Variants in KCNG4 observed in about 807,000 individuals in gnomAD.
KCNG4 encodes the protein potassium voltage-gated channel modifier subfamily G member 4, also known as voltage-gated potassium channel regulatory subunit KCNG4.
KCNG4 carries 30 observed loss-of-function variants against 28.2 expected under a neutral mutation model. That is an observed-to-expected ratio of 1.06 (90% CI 0.80 to 1.44). The LOEUF is 1.44. Among genes scored for constraint, KCNG4 ranks in the 40% most tolerant of loss-of-function variants. KCNG4 has a pLI of 0.00. For synonymous variants in KCNG4, 375 were observed against 315.5 expected (o/e 1.19, Z -2.00); for missense variants, 879 against 712.3 (o/e 1.23, Z -2.66).
chr16:84,229,578 C>T (rs186480909), intron 2 of KCNG4, among the ~76,000 whole-genome samples: 93 of 152,366 alleles, frequency 6.1e-4, no homozygotes, highest in Non-Finnish European at 1.1e-3. Context: ...CAGCAGTCAC[C>T]GAAGGAGAGA....
rs752650868 is a variant in KCNG4, at chr16:84,222,292, G to C, written c.1485C>G (p.Ala495=). Residue 495 remains alanine (A), a synonymous_variant, in exon 3 of 3, where the codon GCC becomes GCG. Transcript: ENST00000308251. The part of the protein sequence containing the change: ...SECELLDPHV[A]SEHELMNDVN... ...CATCGTTCATGAGCTCATGTTCACTGGCCACATGGGGGTCCAGGAGTTCAC... is the reference window on the plus strand; with the variant it reads ...CATCGTTCATGAGCTCATGTTCACTCGCCACATGGGGGTCCAGGAGTTCAC... 2 of 1,614,086 alleles carry C rather than the reference G, an allele frequency of 1.2e-6. No individual in the cohort carries two copies. Among genetic ancestry groups the C allele is most frequent in the African/African-American group, 2.7e-5 (2 of 74,940 alleles).
At position 84,222,921 on chromosome 16, in the gene KCNG4, C is replaced by T; in HGVS notation, c.856G>A (p.Asp286Asn). The change falls in exon 3 of 3, where the codon GAC becomes AAC. Residue 286 changes from aspartate (D) to asparagine (N), a missense_variant. Asp to Asn is a conservative substitution (Grantham distance 23). Coordinates refer to ENST00000308251, the MANE Select transcript of KCNG4 (RefSeq NM_172347.3). ...GGCCCCTGGAAGAACTGACACTTGT[C>T]TTGGGCCTGGACAAACCGCAGGCAG... The part of the protein sequence containing the change: ...EFCLRFVQAQ[D>N]KCQFFQGPLN... 1 of 1,610,186 alleles carries T rather than the reference C, an allele frequency of 6.2e-7. No individual in the cohort carries two copies. The highest frequency in any genetic ancestry group is 8.5e-7 in the Non-Finnish European group (1 of 1,177,516).
At chr16:84,236,529 C>G in intron 2 of KCNG4, 2 of 735,988 alleles carry the variant, frequency 2.7e-6, no homozygotes, top group Non-Finnish European at 4.2e-6. Context: ...TTTGCCTTTG[C>G]AGGACTCCAA....
chr16:84,234,727 A>G (rs954724268), intron 2 of KCNG4, among the ~76,000 whole-genome samples: 3 of 152,180 alleles, frequency 2.0e-5, no homozygotes, highest in African/African-American at 2.4e-5. Context: ...CCCAAACTCA[A>G]TGGGCACTGC....
chr16:84,224,961 G>A (rs568404013), intron 2 of KCNG4, among the ~76,000 whole-genome samples: 2 of 152,248 alleles, frequency 1.3e-5, no homozygotes, highest in East Asian at 3.9e-4. Context: ...CCACTTACTT[G>A]GGCAAATCAC....
chr16:84,234,202 T>C (rs1904889379), intron 2 of KCNG4, among the ~76,000 whole-genome samples: 1 of 152,222 alleles, frequency 6.6e-6, no homozygotes, highest in Admixed American at 6.5e-5. Context: ...AGATGGAGTT[T>C]TGCTCTTGTT....
chr16:84,236,357 A>T, intron 2 of KCNG4: 1 of 358,368 alleles, frequency 2.8e-6, no homozygotes, highest in Non-Finnish European at 5.0e-6. Flanking sequence ...GATGTTACCC[A>T]TTTCACGGAG....
intron 2 of KCNG4, among the ~76,000 whole-genome samples, chr16:84,224,405 C>CACACACACACACACAT (rs1555536138): frequency 0.065 from 5,206 of 80,510 alleles, 129 homozygotes; most frequent in South Asian, 0.096. Flanking sequence ...TACATATTTA[C>CACACACACACACACAT]ACACACACAC....
intron 2 of KCNG4, among the ~76,000 whole-genome samples, chr16:84,224,363 C>G (rs945673748): frequency 3.3e-5 from 5 of 151,332 alleles, no homozygotes; most frequent in African/African-American, 1.2e-4. Flanking sequence ...ATGGATAATT[C>G]AAATGTGGAG....
chr16:84,227,850 A>T (rs546899537), intron 2 of KCNG4, among the ~76,000 whole-genome samples: 35 of 152,324 alleles, frequency 2.3e-4, no homozygotes, highest in African/African-American at 8.2e-4. Context: ...GATTCCACTT[A>T]TGTGAGATGT....
At position 84,221,813 on chromosome 16, in the gene KCNG4, G is replaced by C. The variant is rs980428902; in HGVS notation, c.*404C>G. 1 of 190,432 alleles carries C rather than the reference G, an allele frequency of 5.3e-6. No individual in the cohort carries two copies. The highest frequency in any genetic ancestry group is 2.4e-5 in the African/African-American group (1 of 42,018). 11.8% of individuals were successfully genotyped at this position (190,432 alleles called of 1,614,324 possible). ...TTCCAGTGGTGGCATGGCCCAGGAA[G>C]GAGGGTCTTAGGGAAATCATGAAAT... On this transcript the variant is annotated 3_prime_UTR_variant, in exon 3 of 3. Transcript: ENST00000308251.
At chr16:84,224,304 T>A (rs1366797537) in intron 2 of KCNG4, among the ~76,000 whole-genome samples, 1 of 152,108 alleles carries the variant, frequency 6.6e-6, no homozygotes, top group Non-Finnish European at 1.5e-5. Context: ...AAGATTCTAA[T>A]TTAATTAATG....
rs1904588940 is a variant in KCNG4 at position 84,222,437 on chromosome 16, G to A, written c.1340C>T (p.Ala447Val). The A allele has an allele frequency of 1.9e-6, 3 of 1,614,162 alleles. No individual in the cohort carries two copies. The highest frequency in any genetic ancestry group is 1.7e-6 in the Non-Finnish European group (2 of 1,180,032). The change falls in exon 3 of 3, where the codon GCC (alanine) becomes GTC (valine). Residue 447 changes from alanine (A) to valine (V), a missense_variant. By Grantham distance (64) the Ala-to-Val change is moderately conservative (BLOSUM62 0). Transcript: ENST00000308251. Reference protein sequence around the residue: ...SSILSGILIMAFPATSIFHTF... With the variant: ...SSILSGILIMVFPATSIFHTF... ...GTGGAAGATAGACGTGGCCGGGAAGGCCATGATGAGGATCCCGCTCAGGAT... is the reference window on the plus strand; with the variant it reads ...GTGGAAGATAGACGTGGCCGGGAAGACCATGATGAGGATCCCGCTCAGGAT...
At chr16:84,227,167 C>T (rs1221822151) in intron 2 of KCNG4, among the ~76,000 whole-genome samples, 2 of 152,122 alleles carry the variant, frequency 1.3e-5, no homozygotes, top group African/African-American at 2.4e-5. Context: ...AATGGGGCAG[C>T]GGCAGTGGAA....
At chr16:84,239,561 A>G (rs772764406) in intron 1 of KCNG4, 109 bp downstream of exon 1, 1 of 152,188 alleles carries the variant, frequency 6.6e-6, no homozygotes, top group Non-Finnish European at 1.5e-5. Context: ...CGGGAAAGGA[A>G]TTCACTCAAA....
Position 84,222,238 on chromosome 16 carries a change from G to T in KCNG4, c.1539C>A (p.Ala513=), listed in dbSNP as rs959997899. The change falls in exon 3 of 3, where the codon GCC becomes GCA. Residue 513 remains alanine (A), a synonymous_variant. Coordinates refer to ENST00000308251, the MANE Select transcript of KCNG4 (RefSeq NM_172347.3). Reference sequence around the variant, plus strand: ...TGAGTTACATGTGCATGATAGGCAAGGCTGGGCCCTCCAGGATTAGGTCAT... The same window carrying T: ...TGAGTTACATGTGCATGATAGGCAATGCTGGGCCCTCCAGGATTAGGTCAT... ...DVNDLILEGP[A]LPIMHM is the part of the protein sequence containing the mutation. The T allele has an allele frequency of 1.2e-6, 2 of 1,614,036 alleles. No homozygotes were observed. The highest frequency in any genetic ancestry group is 1.7e-6 in the Non-Finnish European group (2 of 1,180,046).
At chr16:84,229,258 A>G (rs1314061315) in intron 2 of KCNG4, among the ~76,000 whole-genome samples, 3 of 148,688 alleles carry the variant, frequency 2.0e-5, no homozygotes, top group Non-Finnish European at 3.0e-5. Flanking sequence ...GTACCATTGC[A>G]CTCCAGCCTG....
At chr16:84,223,046 G>A (rs753824990) in intron 2 of KCNG4, 26 bp from the exon 3 acceptor site, 74 of 1,499,830 alleles carry the variant, frequency 4.9e-5, no homozygotes, top group Middle Eastern at 2.0e-4. Flanking sequence ...GCAACAACGC[G>A]GGGTAGAGAG....
intron 2 of KCNG4, among the ~76,000 whole-genome samples, chr16:84,235,042 C>G (rs1904914526): frequency 6.6e-6 from 1 of 152,104 alleles, no homozygotes; most frequent in Non-Finnish European, 1.5e-5. Context: ...CTCTCTTGTC[C>G]CAGGAGGAGA....
Sources: gnomAD v4.1 joint callset for allele counts (sites outside exome capture counted in the v4.1 genomes callset) on GRCh38, gnomAD v4.1.1 for gene constraint, MANE v1.5 for transcripts, NCBI Gene and HGNC (gene_info 2026-07-23, HGNC 2026-07-21) for gene names.